The following GABRG3 variants were observed in gnomAD, a reference collection of about 807,000 sequenced individuals.
GABRG3 encodes gamma-aminobutyric acid type A receptor subunit gamma3.
GABRG3 carries 25 observed loss-of-function variants against 48.8 expected under a neutral mutation model. That is an observed-to-expected ratio of 0.51 (90% confidence interval 0.37 to 0.72). GABRG3 has a LOEUF of 0.72. GABRG3 is among the 30% of genes least tolerant of loss of function. GABRG3 has a pLI of 0.00. For missense variants in GABRG3, 394 were observed against 577.9 expected (o/e 0.68, Z 3.26); for synonymous variants, 227 against 217.6 (o/e 1.04, Z -0.38).
intron 5 of GABRG3, among the ~76,000 whole-genome samples, chr15:27,380,725 G>A (rs1298846016): frequency 1.3e-5 from 2 of 149,700 alleles, no homozygotes. Flanking sequence ...TACAGGATGT[G>A]GTGCTCAGGG....
At chr15:27,344,400 T>C (rs1247472506) in intron 5 of GABRG3, among the ~76,000 whole-genome samples, 1 of 152,216 alleles carries the variant, frequency 6.6e-6, no homozygotes, top group Non-Finnish European at 1.5e-5. Flanking sequence ...TTTTTGGTTA[T>C]TTAGTGTGCA....
intron 3 of GABRG3, among the ~76,000 whole-genome samples, chr15:27,145,130 T>C (rs1898174710): frequency 1.1e-5 from 1 of 91,272 alleles, no homozygotes; most frequent in African/African-American, 5.9e-5. Context: ...AAATAAGGAA[T>C]GAACCATATA....
intron 5 of GABRG3, among the ~76,000 whole-genome samples, chr15:27,350,919 T>A (rs1894545902): frequency 6.6e-6 from 1 of 151,620 alleles, no homozygotes; most frequent in Non-Finnish European, 1.5e-5. Context: ...GTATCATGTG[T>A]GTTTGTGTGT....
chr15:27,349,133 G>T (rs1368857001), intron 5 of GABRG3, among the ~76,000 whole-genome samples: 1 of 152,084 alleles, frequency 6.6e-6, no homozygotes, highest in Non-Finnish European at 1.5e-5. Context: ...TTCAGTATTT[G>T]ATGTTCATAT....
intron 5 of GABRG3, among the ~76,000 whole-genome samples, chr15:27,342,917 A>G (rs1247258971): frequency 6.6e-6 from 1 of 152,186 alleles, no homozygotes; most frequent in East Asian, 1.9e-4. Flanking sequence ...CAGAGCTTAA[A>G]GCACAAGGTA....
chr15:26,998,246 C>T (rs1438112217), intron 2 of GABRG3, among the ~76,000 whole-genome samples: 1 of 152,142 alleles, frequency 6.6e-6, no homozygotes, highest in East Asian at 1.9e-4. Context: ...TTCTTGATTG[C>T]TCTCCATCAA....
chr15:27,049,750 G>A (rs1418710562), intron 3 of GABRG3, among the ~76,000 whole-genome samples: 2 of 152,222 alleles, frequency 1.3e-5, no homozygotes, highest in African/African-American at 4.8e-5. Context: ...CCTGAAAGAA[G>A]AGTAAGAAAG....
intron 5 of GABRG3, among the ~76,000 whole-genome samples, chr15:27,377,274 C>T (rs1895627374): frequency 6.6e-6 from 1 of 152,270 alleles, no homozygotes; most frequent in Admixed American, 6.5e-5. Flanking sequence ...TCACATTTTC[C>T]TGTCTTCTTC....
In GABRG3 at chr15:26,987,061, T is replaced by A. The variant is rs138967030; in HGVS notation, c.202+9911T>A. Among the ~76,000 whole-genome samples, 385 of 152,304 alleles carry A rather than the reference T, an allele frequency of 2.5e-3. 4 individuals carry two copies. Among genetic ancestry groups the A allele is most frequent in the African/African-American group, 8.7e-3 (363 of 41,570 alleles). Reference sequence around the variant, plus strand: ...TCACGAGGTCAGGAGATTGAGACCATCCTGGCTAACATGGTGAAACCCCAT... The same window carrying A: ...TCACGAGGTCAGGAGATTGAGACCAACCTGGCTAACATGGTGAAACCCCAT... On this transcript the variant is annotated intron_variant, in intron 2 of 9. Transcript: ENST00000615808.
chr15:27,201,641 G>A (rs1888688218), intron 3 of GABRG3, among the ~76,000 whole-genome samples: 1 of 152,118 alleles, frequency 6.6e-6, no homozygotes, highest in Non-Finnish European at 1.5e-5. Context: ...TATAGGGTGT[G>A]TAGGAGCTGA....
chr15:27,084,340 T>C (rs181143020), intron 3 of GABRG3, among the ~76,000 whole-genome samples: 148 of 152,354 alleles, frequency 9.7e-4, no homozygotes, highest in African/African-American at 3.4e-3. Flanking sequence ...TCTTATTTTT[T>C]AGAAAGACAA....
chr15:27,317,856 G>C (rs1893285193), intron 3 of GABRG3, among the ~76,000 whole-genome samples: 1 of 152,018 alleles, frequency 6.6e-6, no homozygotes, highest in African/African-American at 2.4e-5. Flanking sequence ...GGCATGGAAA[G>C]ACTTCTGCAC....
At chr15:27,182,759 T>C (rs1887972307) in intron 3 of GABRG3, among the ~76,000 whole-genome samples, 1 of 152,146 alleles carries the variant, frequency 6.6e-6, no homozygotes, top group Non-Finnish European at 1.5e-5. Flanking sequence ...TTGCAACTGC[T>C]GGGAATTGAA....
chr15:27,481,160 G>A (rs1393621609), intron 6 of GABRG3: 8 of 1,030,982 alleles, frequency 7.8e-6, no homozygotes, highest in Non-Finnish European at 9.3e-6. Context: ...AAAAGAAGCT[G>A]GTGTGATATG....
chr15:27,468,882 A>G (rs141255328), intron 5 of GABRG3, among the ~76,000 whole-genome samples: 49 of 152,360 alleles, frequency 3.2e-4, no homozygotes, highest in African/African-American at 1.1e-3. Flanking sequence ...CTATTCATGA[A>G]ATTGTGAACA....
At chr15:27,513,566 T>C (rs1890951120) in intron 6 of GABRG3, among the ~76,000 whole-genome samples, 1 of 151,992 alleles carries the variant, frequency 6.6e-6, no homozygotes, top group African/African-American at 2.4e-5. Context: ...AGGAATGCAC[T>C]CAGTGAATAG....
At chr15:27,394,069 T>G (rs748639852) in intron 5 of GABRG3, among the ~76,000 whole-genome samples, 7 of 152,210 alleles carry the variant, frequency 4.6e-5, no homozygotes, top group African/African-American at 2.4e-5. Flanking sequence ...ACTGTATTAT[T>G]TTATTGTTTA....
intron 5 of GABRG3, among the ~76,000 whole-genome samples, chr15:27,388,159 AAAGGAAGG>A (rs1186780828): frequency 6.4e-5 from 1 of 15,698 alleles, no homozygotes; most frequent in Non-Finnish European, 1.2e-4. Context: ...AGGAAGGAAG[AAAGGAAGG>A]AAGGAAGGAA....
intron 5 of GABRG3, among the ~76,000 whole-genome samples, chr15:27,386,825 G>A (rs9806364): frequency 0.4 from 60,542 of 152,014 alleles, 12,263 homozygotes; most frequent in East Asian, 0.49. Context: ...ATAACTGAGA[G>A]AGGAATGGCC....
Sources: gnomAD v4.1 joint callset for allele counts (sites outside exome capture counted in the v4.1 genomes callset) on GRCh38, gnomAD v4.1.1 for gene constraint, MANE v1.5 for transcripts, NCBI Gene and HGNC (gene_info 2026-07-23, HGNC 2026-07-21) for gene names.